ATXN7L1: variants seen among roughly 807,000 people sequenced by gnomAD.
ATXN7L1 encodes the protein ataxin-7-like protein 1.
ATXN7L1 carries 15 observed loss-of-function variants against 70.8 expected under a neutral mutation model. The ratio of observed to expected loss-of-function variants is 0.21; its 90% CI spans 0.14 to 0.33. The LOEUF (loss-of-function observed/expected upper bound fraction) is 0.33. ATXN7L1 is among the 10% of genes least tolerant of loss of function. The probability of loss-of-function intolerance (pLI) is 1.00; values close to 1 mark genes in which losing one functional copy is unlikely to be tolerated. For missense variants in ATXN7L1, 975 were observed against 1,097.1 expected, an observed-to-expected ratio of 0.89 and a Z score of 1.57; for synonymous variants, 440 against 445.1, an observed-to-expected ratio of 0.99 and a Z score of 0.14.
At chr7:105,729,293 GAATGAATGAATAAATAAATA>G (rs923010597) in intron 3 of ATXN7L1, among the ~76,000 whole-genome samples, 3 of 130,124 alleles carry the variant, frequency 2.3e-5, no homozygotes, top group African/African-American at 9.5e-5. Context: ...ATGAATGAAT[GAATGAATGAATAAATAAATA>G]AATAAATAAA....
intron 2 of ATXN7L1, among the ~76,000 whole-genome samples, chr7:105,812,301 A>G (rs919219297): frequency 1.1e-4 from 17 of 152,354 alleles, no homozygotes; most frequent in African/African-American, 4.1e-4. Context: ...GTTTGGAGTC[A>G]ACGAAAACAT....
At chr7:105,846,873 T>C (rs193174330) in intron 2 of ATXN7L1, among the ~76,000 whole-genome samples, 20 of 152,328 alleles carry the variant, frequency 1.3e-4, no homozygotes, top group Non-Finnish European at 2.5e-4. Context: ...CCACATATTA[T>C]ATAATTCCAT....
chr7:105,684,723 A>G (rs1039743620), intron 3 of ATXN7L1, among the ~76,000 whole-genome samples: 6 of 152,210 alleles, frequency 3.9e-5, no homozygotes, highest in African/African-American at 1.4e-4. Context: ...ATCAATGCCA[A>G]TCTTCTTCCA....
At chr7:105,841,065 T>C (rs1203259516) in intron 2 of ATXN7L1, among the ~76,000 whole-genome samples, 1 of 152,194 alleles carries the variant, frequency 6.6e-6, no homozygotes, top group Non-Finnish European at 1.5e-5. Flanking sequence ...TAAATCTCAT[T>C]GCTAATATCT....
intron 3 of ATXN7L1, among the ~76,000 whole-genome samples, chr7:105,769,879 A>T (rs1801754231): frequency 6.6e-6 from 1 of 152,168 alleles, no homozygotes; most frequent in Non-Finnish European, 1.5e-5. Context: ...TTTTTCCTGC[A>T]TCAGATTGTC....
chr7:105,626,197 C>T (rs1795670760), intron 7 of ATXN7L1, among the ~76,000 whole-genome samples: 1 of 152,188 alleles, frequency 6.6e-6, no homozygotes, highest in Non-Finnish European at 1.5e-5. Context: ...GAATATTATG[C>T]AAGCCTTAAA....
chr7:105,722,976 T>C (rs1016917043), intron 3 of ATXN7L1, among the ~76,000 whole-genome samples: 2 of 152,164 alleles, frequency 1.3e-5, no homozygotes, highest in African/African-American at 4.8e-5. Context: ...CTTGGGAGGC[T>C]GAGGAGGGAG....
intron 4 of ATXN7L1, among the ~76,000 whole-genome samples, chr7:105,653,314 G>C (rs1213783010): frequency 6.6e-6 from 1 of 152,078 alleles, no homozygotes; most frequent in Admixed American, 6.6e-5. Context: ...CAGGCGTGGT[G>C]GTGTATGCCG....
intron 4 of ATXN7L1, among the ~76,000 whole-genome samples, chr7:105,647,017 AT>A (rs1429230084): frequency 2.0e-5 from 3 of 152,116 alleles, no homozygotes; most frequent in Non-Finnish European, 4.4e-5. Context: ...CCTTGTTCTG[AT>A]CTGTTGACTT....
chr7:105,801,883 G>A (rs924280776), intron 2 of ATXN7L1, among the ~76,000 whole-genome samples: 1 of 152,136 alleles, frequency 6.6e-6, no homozygotes, highest in Non-Finnish European at 1.5e-5. Flanking sequence ...TTTCTTCAGA[G>A]AGCCAGTGTA....
At chr7:105,853,042 C>T (rs939564238) in intron 2 of ATXN7L1, among the ~76,000 whole-genome samples, 12 of 151,846 alleles carry the variant, frequency 7.9e-5, no homozygotes, top group African/African-American at 2.7e-4. Flanking sequence ...GAATAGAGAA[C>T]GTAGAACAGG....
intron 4 of ATXN7L1, among the ~76,000 whole-genome samples, chr7:105,659,476 G>A (rs1408408254): frequency 6.6e-6 from 1 of 152,154 alleles, no homozygotes; most frequent in Admixed American, 6.5e-5. Flanking sequence ...TCACATGTGA[G>A]GTAAAAATTA....
At chr7:105,843,719 T>A (rs751866059) in intron 2 of ATXN7L1, among the ~76,000 whole-genome samples, 1 of 152,218 alleles carries the variant, frequency 6.6e-6, no homozygotes, top group Admixed American at 6.5e-5. Flanking sequence ...CTTCTGGCCA[T>A]TTCATTTCTC....
intron 3 of ATXN7L1, among the ~76,000 whole-genome samples, chr7:105,683,294 C>T (rs193282203): frequency 7.9e-5 from 12 of 152,276 alleles, no homozygotes; most frequent in East Asian, 5.8e-4. Flanking sequence ...ATCTCCTTTA[C>T]GTATTGATAC....
intron 3 of ATXN7L1, among the ~76,000 whole-genome samples, chr7:105,725,643 C>A (rs998926581): frequency 3.3e-5 from 5 of 151,006 alleles, no homozygotes; most frequent in Non-Finnish European, 7.4e-5. Flanking sequence ...TGCAGTGGCG[C>A]CATCTTGGCT....
chr7:105,726,837 A>G (rs1795872615), intron 3 of ATXN7L1, among the ~76,000 whole-genome samples: 1 of 152,204 alleles, frequency 6.6e-6, no homozygotes, highest in Non-Finnish European at 1.5e-5. Context: ...GTAGCTTCAT[A>G]CAGTTGTGGC....
In ATXN7L1 at chr7:105,643,072, C is replaced by T. The variant is rs1302081969; in HGVS notation, c.628G>A (p.Ala210Thr). The change falls in exon 5 of 12, where the codon GCA becomes ACA. Residue 210 changes from alanine to threonine, a missense_variant. By Grantham distance (58) the Ala-to-Thr change is moderately conservative. This residue lies in a region of ATXN7L1 where 192 missense variants were observed against 215.5 expected (regional missense o/e 0.89). Coordinates refer to ENST00000419735, the MANE Select transcript of ATXN7L1 (RefSeq NM_020725.2). ...TTCATTTTGACATTGGCACCATCTG[C>T]CTTCACTAGGTTAGGAATTTTCTCT... ...SLEKIPNLVK[A>T]DGANVKMNST... 6 of 1,545,620 alleles carry T rather than the reference C, an allele frequency of 3.9e-6. No homozygotes were observed. Among genetic ancestry groups the T allele is most frequent in the Admixed American group, 4.0e-5 (2 of 50,502 alleles).
intron 2 of ATXN7L1, among the ~76,000 whole-genome samples, chr7:105,788,938 C>A (rs141845467): frequency 6.6e-6 from 1 of 152,360 alleles, no homozygotes; most frequent in East Asian, 1.9e-4. Context: ...TGCACTGCGG[C>A]TGCTCCTGAT....
chr7:105,772,108 C>T (rs1584966177), intron 3 of ATXN7L1, among the ~76,000 whole-genome samples: 1 of 116,644 alleles, frequency 8.6e-6, no homozygotes, highest in Non-Finnish European at 1.6e-5. Flanking sequence ...GAGTCTCGCT[C>T]TGTCGCCCAG....
Sources: allele counts gnomAD v4.1 joint callset (sites outside exome capture counted in the v4.1 genomes callset), GRCh38; gene constraint gnomAD v4.1.1; regional missense constraint gnomAD v4.1.1; transcripts MANE v1.5; gene names NCBI Gene and HGNC (gene_info 2026-07-23, HGNC 2026-07-21).